APOOL: variants seen among roughly 807,000 people sequenced by gnomAD.
APOOL encodes MICOS complex subunit MIC27.
Under a neutral mutation model 23.1 loss-of-function variants are expected in APOOL, and 12 were observed. The ratio of observed to expected loss-of-function variants is 0.52; its 90% CI spans 0.33 to 0.84. APOOL has a LOEUF of 0.84. APOOL is among the 40% of genes least tolerant of loss of function. The probability of loss-of-function intolerance (pLI) is 0.02; values close to 1 mark genes in which losing one functional copy is unlikely to be tolerated. For missense variants in APOOL, 212 were observed against 199.6 expected (o/e 1.06, Z -0.37); for synonymous variants, 77 against 69.9 (o/e 1.10, Z -0.51).
At position 85,092,475 on chromosome X, in the gene APOOL, C is replaced by G; in HGVS notation, c.*4797C>G. ...CCTCCTCAGAGGAAAGGTCTAAAGC[C>G]CCTCGACTAGTATAGTAGTTGATAG... is the stretch of plus-strand genomic sequence containing the variant. On this transcript the variant is annotated 3_prime_UTR_variant, in exon 9 of 9. Coordinates refer to ENST00000373173, the MANE Select transcript of APOOL (RefSeq NM_198450.6). The G allele has an allele frequency of 3.3e-6, 4 of 1,207,677 alleles. No individual in the cohort carries two copies. The highest frequency in any genetic ancestry group is 4.5e-6 in the Non-Finnish European group (4 of 893,414).
chrX:85,077,342 G>C (rs1432110353), intron 8 of APOOL, among the ~76,000 whole-genome samples: 2 of 107,948 alleles, frequency 1.9e-5, no homozygotes, highest in African/African-American at 6.8e-5. Flanking sequence ...CCACCTATGA[G>C]TGAGGATATA....
At chrX:85,055,787 A>AATTCAGTT in intron 4 of APOOL, 40 bp from the exon 5 acceptor site, 2 of 972,648 alleles carry the variant, frequency 2.1e-6, no homozygotes, top group Non-Finnish European at 2.9e-6. Flanking sequence ...TATCCAGTAG[A>AATTCAGTT]ATTCAGTTAT....
intron 8 of APOOL, 134 bp from the exon 9 acceptor site, chrX:85,087,456 C>T: frequency 2.1e-6 from 1 of 472,535 alleles, no homozygotes; most frequent in Non-Finnish European, 3.6e-6. Context: ...ATTAGTTTGT[C>T]TGTCTCACCT....
chrX:85,011,059 C>T (rs1019249163), intron 1 of APOOL, among the ~76,000 whole-genome samples: 16 of 109,187 alleles, frequency 1.5e-4, no homozygotes, highest in Non-Finnish European at 3.1e-4. Flanking sequence ...GAGATGGTAT[C>T]GTATTGTGGT....
intron 5 of APOOL, among the ~76,000 whole-genome samples, chrX:85,064,201 A>G (rs913912769): frequency 2.7e-5 from 3 of 110,679 alleles, no homozygotes; most frequent in Non-Finnish European, 3.8e-5. Context: ...TTGTATTTCT[A>G]TGGGATCAGT....
At chrX:85,086,107 A>G (rs1023656426) in intron 8 of APOOL, among the ~76,000 whole-genome samples, 2 of 112,130 alleles carry the variant, frequency 1.8e-5, no homozygotes, top group African/African-American at 6.5e-5. Context: ...CAAGATCACC[A>G]GTGATCCACA....
intron 8 of APOOL, among the ~76,000 whole-genome samples, chrX:85,076,256 A>G (rs753920299): frequency 9.0e-6 from 1 of 110,511 alleles, no homozygotes; most frequent in East Asian, 2.9e-4. Context: ...ACAATATATC[A>G]TTTGGCGTTT....
intron 6 of APOOL, among the ~76,000 whole-genome samples, chrX:85,071,436 G>A (rs1923660793): frequency 9.0e-6 from 1 of 110,792 alleles, no homozygotes; most frequent in Non-Finnish European, 1.9e-5. Context: ...TAATGGAAAG[G>A]ATGGATTTTT....
intron 5 of APOOL, among the ~76,000 whole-genome samples, chrX:85,060,424 T>A (rs1923165282): frequency 9.3e-6 from 1 of 107,346 alleles, no homozygotes; most frequent in Non-Finnish European, 1.9e-5. Context: ...AGAAAGTCAT[T>A]GGTAGCTTGA....
chrX:85,092,654 A>T lies in APOOL; in HGVS notation c.*4976A>T. 1 of 809,757 alleles carries T rather than the reference A, an allele frequency of 1.2e-6. No individual in the cohort carries two copies. The highest frequency in any genetic ancestry group is 2.0e-5 in the African/African-American group (1 of 48,892). The allele number at this position is 809,757 out of a possible 1,213,427, so 66.7% of individuals were successfully genotyped here. A position where few individuals can be genotyped will look rare whatever the true frequency, so the allele number is the denominator to read the frequency against. ...TTATTGAAGGTCTACTCTATGCAAGACACTATGTGTGAATAATACTTCCAA... is the reference window on the plus strand; with the variant it reads ...TTATTGAAGGTCTACTCTATGCAAGTCACTATGTGTGAATAATACTTCCAA... On this transcript the variant is annotated 3_prime_UTR_variant, in exon 9 of 9. Coordinates refer to ENST00000373173, the MANE Select transcript of APOOL (RefSeq NM_198450.6).
intron 6 of APOOL, among the ~76,000 whole-genome samples, chrX:85,073,121 T>G (rs1923726124): frequency 9.0e-6 from 1 of 111,696 alleles, no homozygotes; most frequent in East Asian, 2.8e-4. Context: ...TTCTTTATAT[T>G]AGTATATTAC....
chrX:85,078,443 G>A lies in APOOL; in HGVS notation c.718+4052G>A, dbSNP rs187090597. 6.1e-3 allele frequency among the ~76,000 whole-genome samples: 684 copies of A among 111,324 alleles called. 4 individuals carry two copies. Among genetic ancestry groups the A allele is most frequent in the African/African-American group, 0.02 (601 of 30,587 alleles). On this transcript the variant is annotated intron_variant, in intron 8 of 8. Coordinates refer to ENST00000373173, the MANE Select transcript of APOOL (RefSeq NM_198450.6). ...CTGAGGTGTCTGTTCTGTTCCATTG[G>A]TCTATCTCTCTGTTTTGGTACCAGT...
intron 1 of APOOL, among the ~76,000 whole-genome samples, chrX:85,020,271 G>A (rs971999613): frequency 8.9e-6 from 1 of 111,828 alleles, no homozygotes; most frequent in South Asian, 3.8e-4. Flanking sequence ...GAAACCAAGT[G>A]AGAAATTACA....
intron 8 of APOOL, among the ~76,000 whole-genome samples, chrX:85,076,875 G>A (rs770667626): frequency 2.7e-4 from 29 of 107,130 alleles, no homozygotes; most frequent in African/African-American, 8.8e-4. Context: ...TCTGATGAAA[G>A]CAGAATGAAA....
intron 5 of APOOL, among the ~76,000 whole-genome samples, chrX:85,064,878 T>C (rs1345428817): frequency 9.0e-6 from 1 of 111,677 alleles, no homozygotes; most frequent in East Asian, 2.8e-4. Flanking sequence ...TGGAGAGTTC[T>C]ATAGATATCT....
intron 1 of APOOL, among the ~76,000 whole-genome samples, chrX:85,017,168 G>A (rs1022292159): frequency 2.7e-5 from 3 of 111,715 alleles, no homozygotes; most frequent in African/African-American, 9.8e-5. Flanking sequence ...CTTCTTGCAC[G>A]GGGCTTGCAT....
intron 1 of APOOL, among the ~76,000 whole-genome samples, chrX:85,031,985 G>A (rs1401132785): frequency 1.8e-5 from 2 of 111,505 alleles, no homozygotes; most frequent in African/African-American, 6.5e-5. Context: ...TTCCACCAGG[G>A]AGATACAGCC....
chrX:85,056,073 C>G (rs1398719136), intron 5 of APOOL, 148 bp downstream of exon 5: 22 of 383,460 alleles, frequency 5.7e-5, no homozygotes, highest in Admixed American at 1.1e-4. Context: ...AGCATGCTTA[C>G]TTTTATAAGG....
At chrX:85,080,864 T>G (rs1924067510) in intron 8 of APOOL, among the ~76,000 whole-genome samples, 1 of 111,613 alleles carries the variant, frequency 9.0e-6, no homozygotes. Context: ...CTTTGTCTCT[T>G]TTGATGTTTG....
Sources: gnomAD v4.1 joint callset for allele counts (sites outside exome capture counted in the v4.1 genomes callset) on GRCh38, gnomAD v4.1.1 for gene constraint, MANE v1.5 for transcripts, NCBI Gene and HGNC (gene_info 2026-07-23, HGNC 2026-07-21) for gene names.